The following EYS variants were observed in gnomAD, a reference collection of about 807,000 sequenced individuals.
EYS encodes the protein protein eyes shut homolog.
A neutral mutation model predicts 282.1 loss-of-function variants in EYS; 250 were observed. The observed-to-expected ratio is 0.89, with a 90% CI of 0.80 to 0.98. The LOEUF is 0.98. Among genes scored for constraint, EYS ranks in the 50% least tolerant of loss-of-function variants. The pLI is 0.00. For synonymous variants in EYS, 1,355 were observed against 1,282.9 expected, an observed-to-expected ratio of 1.06 and a Z score of -1.20; for missense variants, 4,016 against 3,709.0, an observed-to-expected ratio of 1.08 and a Z score of -2.15.
At chr6:64,723,266 A>G (rs1432187439) in intron 22 of EYS, among the ~76,000 whole-genome samples, 1 of 152,152 alleles carries the variant, frequency 6.6e-6, no homozygotes, top group Non-Finnish European at 1.5e-5. Context: ...TGCATTTACA[A>G]CAGGAAAACG....
intron 12 of EYS, among the ~76,000 whole-genome samples, chr6:65,178,329 CTT>C (rs1765280259): frequency 6.6e-6 from 1 of 151,930 alleles, no homozygotes; most frequent in Non-Finnish European, 1.5e-5. Flanking sequence ...TTGTTACTGT[CTT>C]GGGTAAATTC....
At chr6:63,781,109 T>G (rs1770211304) in intron 39 of EYS, among the ~76,000 whole-genome samples, 2 of 152,206 alleles carry the variant, frequency 1.3e-5, no homozygotes, top group African/African-American at 4.8e-5. Context: ...TTGGTCTATA[T>G]CTCTGTTTTG....
intron 24 of EYS, among the ~76,000 whole-genome samples, chr6:64,600,142 CTG>C (rs979901287): frequency 7.9e-5 from 12 of 152,198 alleles, no homozygotes; most frequent in Non-Finnish European, 1.8e-4. Flanking sequence ...TTCCTCTTTC[CTG>C]TGTCTTTCCA....
Position 64,799,570 on chromosome 6 carries a change from A to G in EYS, c.3443+13808T>C, listed in dbSNP as rs1774471905. On this transcript the variant is annotated intron_variant, in intron 22 of 42. Transcript: ENST00000503581. Reference sequence around the variant, plus strand: ...ACAAATATTCATTAAGTAAATAGTTAATTTAAAAAATTGATCTATGTAGAG... The same window carrying G: ...ACAAATATTCATTAAGTAAATAGTTGATTTAAAAAATTGATCTATGTAGAG... Among the ~76,000 whole-genome samples, 6 of 151,554 alleles carry G rather than the reference A, an allele frequency of 4.0e-5. No homozygotes were observed. In the South Asian group the frequency reaches 1.2e-3, roughly 31 times the overall value.
chr6:64,746,980 G>A (rs555642343), intron 22 of EYS, among the ~76,000 whole-genome samples: 23 of 152,186 alleles, frequency 1.5e-4, no homozygotes, highest in Non-Finnish European at 2.8e-4. Context: ...GAGCTTTCCT[G>A]CCTGGAGCTG....
intron 13 of EYS, among the ~76,000 whole-genome samples, chr6:65,030,923 C>T (rs1201565726): frequency 6.6e-6 from 1 of 151,992 alleles, no homozygotes; most frequent in Non-Finnish European, 1.5e-5. Flanking sequence ...CATGCAATGA[C>T]ACCCATAGCC....
intron 12 of EYS, among the ~76,000 whole-genome samples, chr6:65,063,107 G>T (rs1003652581): frequency 6.6e-6 from 1 of 151,736 alleles, no homozygotes; most frequent in African/African-American, 2.4e-5. Context: ...ACATAGAAAT[G>T]CAACTGTTTA....
intron 35 of EYS, among the ~76,000 whole-genome samples, chr6:63,933,773 C>G (rs1038845388): frequency 6.6e-6 from 1 of 152,086 alleles, no homozygotes; most frequent in Non-Finnish European, 1.5e-5. Flanking sequence ...GAAGTGGGAT[C>G]AAGACCAAAT....
intron 31 of EYS, among the ~76,000 whole-genome samples, chr6:64,218,810 G>A (rs963549463): frequency 2.0e-5 from 3 of 152,110 alleles, no homozygotes; most frequent in African/African-American, 4.8e-5. Context: ...TCACCCATGG[G>A]TTTATTTACA....
intron 7 of EYS, among the ~76,000 whole-genome samples, chr6:65,393,601 A>T (rs1009118814): frequency 6.6e-6 from 1 of 152,204 alleles, no homozygotes; most frequent in Non-Finnish European, 1.5e-5. Context: ...CTTATTTCAT[A>T]GTCACAGTGC....
At chr6:64,797,310 G>T (rs1335898998) in intron 22 of EYS, among the ~76,000 whole-genome samples, 2 of 148,832 alleles carry the variant, frequency 1.3e-5, no homozygotes, top group African/African-American at 2.5e-5. Context: ...GATTGACAAA[G>T]AAAAAAAAAA....
At chr6:64,805,316 A>T (rs1054128264) in intron 22 of EYS, among the ~76,000 whole-genome samples, 1 of 152,002 alleles carries the variant, frequency 6.6e-6, no homozygotes, top group African/African-American at 2.4e-5. Context: ...TTTGTGTTTG[A>T]TAGAATGAAA....
chr6:64,149,025 C>A (rs1337328105), intron 31 of EYS, among the ~76,000 whole-genome samples: 1 of 152,100 alleles, frequency 6.6e-6, no homozygotes, highest in Non-Finnish European at 1.5e-5. Flanking sequence ...ATAAGTCATA[C>A]CCCACACACT....
intron 12 of EYS, among the ~76,000 whole-genome samples, chr6:65,175,060 G>T (rs1039792694): frequency 6.6e-5 from 10 of 151,064 alleles, no homozygotes; most frequent in African/African-American, 2.4e-4. Flanking sequence ...AAATTCAAAA[G>T]GTTTTAATGA....
intron 2 of EYS, among the ~76,000 whole-genome samples, chr6:65,560,401 CAT>C (rs1009088787): frequency 4.8e-5 from 7 of 144,880 alleles, no homozygotes; most frequent in Non-Finnish European, 7.5e-5. Context: ...TAATATATAA[CAT>C]AATTATATAA....
rs561236824 is a variant in EYS, at chr6:64,106,174, T to C, written c.6425-24172A>G. Among the ~76,000 whole-genome samples, 28 of 152,270 alleles carry C rather than the reference T, an allele frequency of 1.8e-4. No homozygotes were observed. The South Asian group carries it at 5.0e-3, about 27-fold the overall frequency. On this transcript the variant is annotated intron_variant, in intron 31 of 42. Transcript: ENST00000503581. The stretch of plus-strand genomic sequence containing the variant: ...TGCCATTTGTGGTTTTAATGGAGTA[T>C]TTTATGTGATTTCATTTTCTTTCAT...
chr6:63,837,954 G>A (rs1048701485), intron 36 of EYS, among the ~76,000 whole-genome samples: 9 of 152,216 alleles, frequency 5.9e-5, no homozygotes, highest in Non-Finnish European at 1.0e-4. Context: ...GAAGATTTTG[G>A]ATGATGAATT....
chr6:64,559,190 T>G (rs544316039), intron 26 of EYS, among the ~76,000 whole-genome samples: 7 of 152,160 alleles, frequency 4.6e-5, no homozygotes, highest in African/African-American at 1.4e-4. Context: ...TCATTATTAT[T>G]TATCTACCTT....
intron 33 of EYS, among the ~76,000 whole-genome samples, chr6:64,000,176 T>TC: frequency 2.5e-5 from 1 of 40,432 alleles, no homozygotes; most frequent in Non-Finnish European, 4.9e-5. Context: ...GACTTTTTTT[T>TC]TTTTTTTTTT....
Sources: allele counts gnomAD v4.1 joint callset (sites outside exome capture counted in the v4.1 genomes callset), GRCh38; gene constraint gnomAD v4.1.1; transcripts MANE v1.5; gene names NCBI Gene and HGNC (gene_info 2026-07-23, HGNC 2026-07-21).